STX8: variants seen among roughly 807,000 people sequenced by gnomAD.
The protein encoded by STX8 is syntaxin 8, also known as syntaxin-8.
In STX8, 23 loss-of-function variants were observed where a neutral mutation model predicts 37.5. The ratio of observed to expected loss-of-function variants is 0.61; its 90% CI spans 0.44 to 0.87. The LOEUF (loss-of-function observed/expected upper bound fraction) is 0.87. Ranked by LOEUF, STX8 falls within the 40% of genes least tolerant of loss-of-function variation. The probability of loss-of-function intolerance (pLI) is 0.00; values close to 1 mark genes in which losing one functional copy is unlikely to be tolerated. For missense variants in STX8, 313 were observed against 284.7 expected (o/e 1.10, Z -0.71); for synonymous variants, 115 against 99.1 (o/e 1.16, Z -0.95).
intron 6 of STX8, among the ~76,000 whole-genome samples, chr17:9,444,207 C>G (rs1057263948): frequency 2.6e-5 from 4 of 152,168 alleles, no homozygotes; most frequent in African/African-American, 9.7e-5. Flanking sequence ...CCAGGCTGGT[C>G]TCAAACTCCT....
intron 7 of STX8, among the ~76,000 whole-genome samples, chr17:9,310,270 T>C (rs1473448806): frequency 1.3e-5 from 2 of 152,360 alleles, no homozygotes; most frequent in Non-Finnish European, 2.9e-5. Flanking sequence ...TCCCAGCTAC[T>C]GAATTGCAGA....
intron 7 of STX8, among the ~76,000 whole-genome samples, chr17:9,306,524 T>G (rs1452307429): frequency 1.4e-5 from 2 of 140,518 alleles, no homozygotes; most frequent in African/African-American, 2.7e-5. Context: ...CTGAGGTGGG[T>G]GGATCAACTA....
chr17:9,402,073 A>G (rs1435588991), intron 6 of STX8, among the ~76,000 whole-genome samples: 1 of 151,652 alleles, frequency 6.6e-6, no homozygotes, highest in Non-Finnish European at 1.5e-5. Context: ...GATTATATGT[A>G]CGTTTTCAAT....
chr17:9,278,817 G>A (rs994485773), intron 7 of STX8, among the ~76,000 whole-genome samples: 61 of 152,020 alleles, frequency 4.0e-4, no homozygotes, highest in Non-Finnish European at 7.1e-4. Context: ...AGGGGGTACC[G>A]TGAGTATGGG....
chr17:9,545,070 G>C (rs1485895063), intron 4 of STX8, 102 bp downstream of exon 4: 2 of 700,616 alleles, frequency 2.9e-6, no homozygotes, highest in East Asian at 2.6e-5. Flanking sequence ...GAATAGAATA[G>C]ATTTTGATTA....
At chr17:9,554,277 A>T (rs1906881278) in intron 3 of STX8, 1 of 151,058 alleles carries the variant, frequency 6.6e-6, no homozygotes, top group South Asian at 2.1e-4. Context: ...CAAACAAACA[A>T]AAACAAAAAA....
chr17:9,365,026 G>A (rs775416563), intron 7 of STX8, among the ~76,000 whole-genome samples: 6 of 152,016 alleles, frequency 3.9e-5, no homozygotes, highest in Admixed American at 6.6e-5. Context: ...AAGAGAAAGT[G>A]ATGAGGAGAA....
intron 2 of STX8, among the ~76,000 whole-genome samples, chr17:9,562,141 C>T (rs1038968281): frequency 2.0e-5 from 3 of 151,324 alleles, no homozygotes; most frequent in Non-Finnish European, 2.9e-5. Context: ...CAGTGGCTCA[C>T]GCCTGTAATC....
At chr17:9,528,628 G>C (rs1285939951) in intron 4 of STX8, among the ~76,000 whole-genome samples, 2 of 152,100 alleles carry the variant, frequency 1.3e-5, no homozygotes, top group Non-Finnish European at 2.9e-5. Flanking sequence ...GTTATAATGT[G>C]CATGTATCAT....
intron 7 of STX8, among the ~76,000 whole-genome samples, chr17:9,310,166 A>C (rs1909140855): frequency 1.3e-5 from 2 of 152,090 alleles, no homozygotes; most frequent in African/African-American, 4.8e-5. Context: ...ACAACATACA[A>C]ACACACACAC....
chr17:9,537,456 C>G (rs959685686), intron 4 of STX8, among the ~76,000 whole-genome samples: 3 of 152,212 alleles, frequency 2.0e-5, no homozygotes, highest in Non-Finnish European at 4.4e-5. Flanking sequence ...GAGATGGAAG[C>G]AACCTGAAGC....
intron 5 of STX8, among the ~76,000 whole-genome samples, chr17:9,500,634 A>G (rs1736101890): frequency 6.6e-6 from 1 of 152,244 alleles, no homozygotes; most frequent in South Asian, 2.1e-4. Context: ...TCCAAGATCA[A>G]TATACAAAGA....
chr17:9,451,400 T>A (rs550051672), intron 6 of STX8, among the ~76,000 whole-genome samples: 1 of 152,206 alleles, frequency 6.6e-6, no homozygotes, highest in Non-Finnish European at 1.5e-5. Context: ...CCACGTTTAA[T>A]GTAACTTTCC....
intron 7 of STX8, among the ~76,000 whole-genome samples, chr17:9,371,278 T>G (rs916847404): frequency 6.6e-6 from 1 of 152,166 alleles, no homozygotes; most frequent in Non-Finnish European, 1.5e-5. Flanking sequence ...CACTCCTTTG[T>G]GTAAAATGAT....
At chr17:9,325,040 T>C (rs1185447168) in intron 7 of STX8, among the ~76,000 whole-genome samples, 1 of 152,204 alleles carries the variant, frequency 6.6e-6, no homozygotes, top group African/African-American at 2.4e-5. Context: ...GCCAGCCACA[T>C]GATCATGGGA....
intron 7 of STX8, among the ~76,000 whole-genome samples, chr17:9,254,843 A>C (rs958819763): frequency 6.6e-6 from 1 of 152,048 alleles, no homozygotes; most frequent in African/African-American, 2.4e-5. Flanking sequence ...ACACACGCGC[A>C]CGTGTGTGCA....
At chr17:9,294,008 G>A (rs1011051448) in intron 7 of STX8, among the ~76,000 whole-genome samples, 2 of 151,988 alleles carry the variant, frequency 1.3e-5, no homozygotes, top group Non-Finnish European at 2.9e-5. Context: ...CTAGTGATCT[G>A]CCCGTCTCGG....
intron 1 of STX8, among the ~76,000 whole-genome samples, 164 bp downstream of exon 1, chr17:9,575,628 T>C (rs967418425): frequency 2.0e-5 from 3 of 152,132 alleles, no homozygotes; most frequent in African/African-American, 7.2e-5. Flanking sequence ...AAGGACCAAG[T>C]GTGGCGGGAT....
intron 6 of STX8, among the ~76,000 whole-genome samples, chr17:9,450,848 C>A (rs1905017545): frequency 6.6e-6 from 1 of 151,836 alleles, no homozygotes; most frequent in Non-Finnish European, 1.5e-5. Flanking sequence ...CTGCTCTTAA[C>A]CAGCAATGCA....
Sources: gnomAD v4.1 joint callset for allele counts (sites outside exome capture counted in the v4.1 genomes callset) on GRCh38, gnomAD v4.1.1 for gene constraint, MANE v1.5 for transcripts, NCBI Gene and HGNC (gene_info 2026-07-23, HGNC 2026-07-21) for gene names.